The following EPM2A variants were observed in gnomAD, a reference collection of about 807,000 sequenced individuals.
EPM2A encodes the protein EPM2A glucan phosphatase, laforin, also known as laforin.
EPM2A carries 21 observed loss-of-function variants against 26.5 expected under a neutral mutation model. The ratio of observed to expected loss-of-function variants is 0.79; its 90% CI spans 0.56 to 1.14. EPM2A has a LOEUF of 1.14. Ranked by LOEUF, EPM2A falls within the 50% of genes most tolerant of loss-of-function variation. EPM2A has a pLI of 0.00. For missense variants in EPM2A, 458 were observed against 440.8 expected, an observed-to-expected ratio of 1.04 and a Z score of -0.35; for synonymous variants, 217 against 177.6, an observed-to-expected ratio of 1.22 and a Z score of -1.76.
At chr6:145,435,777 TTTG>T (rs370646822) in intron 4 of EPM2A, among the ~76,000 whole-genome samples, 7 of 152,160 alleles carry the variant, frequency 4.6e-5, no homozygotes, top group South Asian at 2.1e-4. Context: ...TAGCATGATT[TTTG>T]TTGTTGTTGT....
At chr6:145,557,597 AT>A (rs1481304051) in intron 2 of EPM2A, among the ~76,000 whole-genome samples, 1 of 152,086 alleles carries the variant, frequency 6.6e-6, no homozygotes, top group African/African-American at 2.4e-5. Context: ...TTTATTTATC[AT>A]TTTATTTTTA....
chr6:145,435,873 C>G (rs113596120), intron 4 of EPM2A, among the ~76,000 whole-genome samples: 11,735 of 152,068 alleles, frequency 0.077, 498 homozygotes, highest in African/African-American at 0.11. Context: ...TTTTTATACC[C>G]CTGTGCACAC....
chr6:145,409,286 G>GA (rs981159718), intron 4 of EPM2A, among the ~76,000 whole-genome samples: 1 of 151,864 alleles, frequency 6.6e-6, no homozygotes, highest in Non-Finnish European at 1.5e-5. Context: ...CACAAAAAAA[G>GA]AAAAAAATTG....
chr6:145,617,703 C>A (rs928840175), intron 2 of EPM2A, among the ~76,000 whole-genome samples: 1 of 152,148 alleles, frequency 6.6e-6, no homozygotes, highest in Non-Finnish European at 1.5e-5. Flanking sequence ...CTTTGGGAGA[C>A]CAAGGCAGGA....
chr6:145,655,968 C>A (rs1778249235), intron 2 of EPM2A, among the ~76,000 whole-genome samples: 2 of 152,014 alleles, frequency 1.3e-5, no homozygotes, highest in African/African-American at 4.8e-5. Context: ...GGGGTTTGAT[C>A]CAAAAATGCA....
chr6:145,609,034 G>C (rs74911288), intron 2 of EPM2A, among the ~76,000 whole-genome samples: 3 of 152,222 alleles, frequency 2.0e-5, no homozygotes, highest in African/African-American at 7.2e-5. Context: ...GCAAGCAGCT[G>C]TTGTCCTTTG....
At chr6:145,385,821 C>T (rs1562315339) in intron 4 of EPM2A, among the ~76,000 whole-genome samples, 1 of 151,120 alleles carries the variant, frequency 6.6e-6, no homozygotes, top group African/African-American at 2.4e-5. Flanking sequence ...CTTTTTTCTA[C>T]TTTTTTTTTG....
At chr6:145,492,816 C>A (rs1562356883) in intron 4 of EPM2A, among the ~76,000 whole-genome samples, 1 of 152,030 alleles carries the variant, frequency 6.6e-6, no homozygotes, top group Admixed American at 6.5e-5. Context: ...TCCACTCTCT[C>A]TGCTGATGGA....
chr6:145,579,517 T>C (rs928680881), intron 2 of EPM2A, among the ~76,000 whole-genome samples: 2 of 152,338 alleles, frequency 1.3e-5, no homozygotes, highest in Non-Finnish European at 2.9e-5. Context: ...TACCACTTAC[T>C]TTTACAGGTT....
At chr6:145,674,183 A>G (rs867371693) in intron 2 of EPM2A, among the ~76,000 whole-genome samples, 48 of 152,206 alleles carry the variant, frequency 3.2e-4, no homozygotes, top group Admixed American at 1.0e-3. Context: ...AGCAAACTCC[A>G]ACAGACCTGA....
In EPM2A at chr6:145,550,910, G is replaced by A. The variant is rs941290463; in HGVS notation, c.341-48335C>T. On this transcript the variant is annotated intron_variant, in intron 2 of 3. Transcript: ENST00000450221. ...TAAACAGAAATATAAGTCAACAGTA[G>A]GGTATTAGTAGTTTCGTTTGGGGAA... 3.1e-4 allele frequency among the ~76,000 whole-genome samples: 47 copies of A among 151,964 alleles called. 1 individual carries two copies. The highest frequency in any genetic ancestry group is 1.1e-3 in the African/African-American group (47 of 41,402).
intron 4 of EPM2A, among the ~76,000 whole-genome samples, chr6:145,469,758 T>C (rs1283103888): frequency 6.6e-6 from 1 of 152,176 alleles, no homozygotes; most frequent in Non-Finnish European, 1.5e-5. Flanking sequence ...AACCAAGATT[T>C]TGAAGCAACC....
intron 2 of EPM2A, among the ~76,000 whole-genome samples, chr6:145,559,494 A>C (rs426874): frequency 0.47 from 70,852 of 151,802 alleles, 17,176 homozygotes; most frequent in African/African-American, 0.58. Flanking sequence ...TAACAAATAA[A>C]GGATAGAGAC....
Position 145,626,655 on chromosome 6 carries a change from C to T in EPM2A, c.*761G>A. On this transcript the variant is annotated 3_prime_UTR_variant, in exon 4 of 4. Coordinates refer to ENST00000367519, the MANE Select transcript of EPM2A (RefSeq NM_005670.4). ...AATATAGATTATTAACTCCAGCTTG[C>T]CCTTGACTGGTCATGAGACCTTGGA... is the stretch of plus-strand genomic sequence containing the variant. 6 of 978,020 alleles carry T rather than the reference C, an allele frequency of 6.1e-6. No homozygotes were observed. Among genetic ancestry groups the T allele is most frequent in the Non-Finnish European group, 6.1e-6 (5 of 823,132 alleles). The allele number at this position is 978,020 out of a possible 1,614,324, so 60.6% of individuals were successfully genotyped here.
intron 4 of EPM2A, among the ~76,000 whole-genome samples, chr6:145,402,163 A>G (rs1258267978): frequency 6.6e-6 from 1 of 152,272 alleles, no homozygotes; most frequent in South Asian, 2.1e-4. Context: ...AAGCTGGCCA[A>G]CATAATCTTA....
At chr6:145,650,442 C>G (rs1562443060) in intron 2 of EPM2A, among the ~76,000 whole-genome samples, 1 of 151,950 alleles carries the variant, frequency 6.6e-6, no homozygotes, top group East Asian at 1.9e-4. Context: ...ATCCCAGCTA[C>G]TCGAGAGGCT....
At chr6:145,614,572 C>T (rs1775465111) in intron 2 of EPM2A, among the ~76,000 whole-genome samples, 1 of 152,196 alleles carries the variant, frequency 6.6e-6, no homozygotes, top group Admixed American at 6.5e-5. Context: ...CTCTTCATCT[C>T]ACTTGAGCAC....
At chr6:145,471,983 G>T (rs1779479745) in intron 4 of EPM2A, among the ~76,000 whole-genome samples, 1 of 150,970 alleles carries the variant, frequency 6.6e-6, no homozygotes, top group South Asian at 2.1e-4. Context: ...CAGCTCAGTT[G>T]GGTACTTTAA....
At chr6:145,666,722 A>C (rs1779226926) in intron 2 of EPM2A, among the ~76,000 whole-genome samples, 1 of 147,144 alleles carries the variant, frequency 6.8e-6, no homozygotes, top group Admixed American at 6.7e-5. Context: ...CCTAAGCCAA[A>C]AGAACAAAGT....
Sources: gnomAD v4.1 joint callset for allele counts (sites outside exome capture counted in the v4.1 genomes callset) on GRCh38, gnomAD v4.1.1 for gene constraint, MANE v1.5 for transcripts, NCBI Gene and HGNC (gene_info 2026-07-23, HGNC 2026-07-21) for gene names.